The following MACROD1 variants were observed in gnomAD, a reference collection of about 807,000 sequenced individuals.
MACROD1 encodes ADP-ribose glycohydrolase MACROD1.
Under a neutral mutation model 41.4 loss-of-function variants are expected in MACROD1, and 31 were observed. That is an observed-to-expected ratio of 0.75 (90% CI 0.56 to 1.01). The LOEUF (loss-of-function observed/expected upper bound fraction) is 1.01. Among genes scored for constraint, MACROD1 ranks in the 50% least tolerant of loss-of-function variants. MACROD1 has a pLI of 0.00. For missense variants in MACROD1, 473 were observed against 460.0 expected (o/e 1.03, Z -0.26); for synonymous variants, 252 against 203.4 (o/e 1.24, Z -2.03).
At chr11:64,058,832 C>A (rs547057237) in intron 3 of MACROD1, among the ~76,000 whole-genome samples, 1 of 152,272 alleles carries the variant, frequency 6.6e-6, no homozygotes, top group East Asian at 1.9e-4. Context: ...GTGAAGAGGG[C>A]AGCCGGCAAG....
At chr11:64,074,708 C>G (rs566047697) in intron 3 of MACROD1, among the ~76,000 whole-genome samples, 1 of 152,316 alleles carries the variant, frequency 6.6e-6, no homozygotes, top group African/African-American at 2.4e-5. Flanking sequence ...CCAAACTGCC[C>G]TGTGGGTCCC....
At chr11:64,131,836 T>C (rs1036675090) in intron 3 of MACROD1, among the ~76,000 whole-genome samples, 4 of 152,170 alleles carry the variant, frequency 2.6e-5, no homozygotes, top group East Asian at 1.9e-4. Flanking sequence ...GAGTAAATAT[T>C]TGTGGTTGGT....
chr11:64,110,876 G>A (rs1401592896), intron 3 of MACROD1, among the ~76,000 whole-genome samples: 1 of 152,180 alleles, frequency 6.6e-6, no homozygotes, highest in African/African-American at 2.4e-5. Context: ...CCTCTGGTGA[G>A]GCGTGCTATC....
intron 3 of MACROD1, among the ~76,000 whole-genome samples, chr11:64,088,810 G>C (rs999300998): frequency 2.6e-5 from 4 of 152,196 alleles, no homozygotes; most frequent in Admixed American, 6.5e-5. Flanking sequence ...ATGGGCTCTT[G>C]GTGGGTGGGA....
chr11:64,004,527 C>T (rs1358249646), intron 4 of MACROD1, among the ~76,000 whole-genome samples: 6 of 152,160 alleles, frequency 3.9e-5, no homozygotes, highest in African/African-American at 7.2e-5. Flanking sequence ...CTGTGGCCCA[C>T]AGGACCAGGA....
chr11:64,084,369 G>A (rs1380877391), intron 3 of MACROD1, among the ~76,000 whole-genome samples: 4 of 152,092 alleles, frequency 2.6e-5, no homozygotes, highest in Admixed American at 1.3e-4. Flanking sequence ...CTCTGCCCAC[G>A]TGCATTTCCT....
Position 64,165,926 on chromosome 11 carries a change from G to A in MACROD1, c.69C>T (p.Pro23=), listed in dbSNP as rs1186260665. The A allele has an allele frequency of 2.6e-5, 34 of 1,326,384 alleles. No homozygotes were observed. Among genetic ancestry groups the A allele is most frequent in the East Asian group, 3.1e-5 (1 of 32,396 alleles). The allele number at this position is 1,326,384 out of a possible 1,614,324, so 82.2% of individuals were successfully genotyped here. A position where few individuals can be genotyped will look rare whatever the true frequency, so the allele number is the denominator to read the frequency against. ...CCAAGTGTCCGGGCCGGGGGCGCGG[G>A]GGGACGAGCAGCTGCCCCGCCGCGC... is the stretch of plus-strand genomic sequence containing the variant. ...QLRAAGQLLV[P]PRPRPGHLAG... The change falls in exon 1 of 11, where the codon CCC becomes CCT. Residue 23 remains proline, a synonymous_variant. Coordinates refer to ENST00000255681, the MANE Select transcript of MACROD1 (RefSeq NM_014067.4).
At chr11:64,053,566 C>T (rs1316608696) in intron 3 of MACROD1, among the ~76,000 whole-genome samples, 1 of 152,120 alleles carries the variant, frequency 6.6e-6, no homozygotes, top group Admixed American at 6.5e-5. Context: ...TCAGACACCA[C>T]AGCACACAAG....
intron 3 of MACROD1, among the ~76,000 whole-genome samples, chr11:64,038,703 G>C (rs1347981452): frequency 6.6e-6 from 1 of 152,198 alleles, no homozygotes; most frequent in East Asian, 1.9e-4. Context: ...GTATGGGACT[G>C]TGTGGGTCTG....
intron 4 of MACROD1, among the ~76,000 whole-genome samples, chr11:64,009,695 T>G (rs1942970325): frequency 6.6e-6 from 1 of 151,248 alleles, no homozygotes; most frequent in African/African-American, 2.4e-5. Flanking sequence ...GGCACAGGAG[T>G]CCTGTGCCCT....
At chr11:64,139,287 G>A (rs982841571) in intron 3 of MACROD1, among the ~76,000 whole-genome samples, 2 of 152,152 alleles carry the variant, frequency 1.3e-5, no homozygotes, top group Admixed American at 6.5e-5. Context: ...CACCCGGCGC[G>A]GATATAAACA....
intron 3 of MACROD1, among the ~76,000 whole-genome samples, chr11:64,071,072 C>A (rs555008537): frequency 1.3e-5 from 2 of 152,164 alleles, no homozygotes; most frequent in Admixed American, 6.5e-5. Context: ...GGACACCAGG[C>A]CTTTGTCTCT....
chr11:64,046,420 G>A lies in MACROD1; in HGVS notation c.518-31139C>T, dbSNP rs564773227. Among the ~76,000 whole-genome samples, 24 of 152,294 alleles carry A rather than the reference G, an allele frequency of 1.6e-4. 1 individual carries two copies. Among genetic ancestry groups the A allele is most frequent in the East Asian group, 3.9e-4 (2 of 5,166 alleles). On this transcript the variant is annotated intron_variant, in intron 3 of 10. Transcript: ENST00000255681. ...CAAAGTGTCCCCTGTGCTGGGGTGC[G>A]AGGCTGCCCAAGGGGACAGGAGGGA... is the stretch of plus-strand genomic sequence containing the variant.
intron 4 of MACROD1, 136 bp downstream of exon 4, chr11:64,015,116 A>C: frequency 2.2e-6 from 2 of 923,984 alleles, no homozygotes; most frequent in Non-Finnish European, 3.0e-6. Flanking sequence ...GCTCTGGGGA[A>C]GGGAGGCACC....
intron 3 of MACROD1, among the ~76,000 whole-genome samples, chr11:64,099,740 A>G (rs1454755703): frequency 6.6e-6 from 1 of 151,172 alleles, no homozygotes; most frequent in African/African-American, 2.4e-5. Flanking sequence ...GGATGGAGAG[A>G]TGAATGGATG....
At chr11:64,114,645 G>A (rs1253979999) in intron 3 of MACROD1, among the ~76,000 whole-genome samples, 1 of 151,752 alleles carries the variant, frequency 6.6e-6, no homozygotes, top group Non-Finnish European at 1.5e-5. Flanking sequence ...ATGAATGGAT[G>A]GATGGATGAA....
Position 64,084,838 on chromosome 11 carries a change from G to A in MACROD1, c.517+66401C>T, listed in dbSNP as rs76542726. ...CCAAGGTCCAAAGAGGTAATGCCCC[G>A]GCCCGGGAGGGGCGCAAGACCACAG... On this transcript the variant is annotated intron_variant, in intron 3 of 10. Transcript: ENST00000255681. Among the ~76,000 whole-genome samples, 802 of 152,302 alleles carry A rather than the reference G, an allele frequency of 5.3e-3. 8 individuals are homozygous for A. Among genetic ancestry groups the A allele is most frequent in the African/African-American group, 0.018 (768 of 41,576 alleles).
At chr11:64,074,939 G>A (rs947999027) in intron 3 of MACROD1, among the ~76,000 whole-genome samples, 3 of 152,184 alleles carry the variant, frequency 2.0e-5, no homozygotes, top group African/African-American at 7.2e-5. Context: ...GGCAAAAGGG[G>A]TCACTTCCCA....
At chr11:64,117,514 G>C in intron 3 of MACROD1, 2 of 1,607,136 alleles carry the variant, frequency 1.2e-6, no homozygotes, top group South Asian at 2.2e-5. Flanking sequence ...AAGGCCAAAA[G>C]GCCAGGGCTG....
Sources: gnomAD v4.1 joint callset for allele counts (sites outside exome capture counted in the v4.1 genomes callset) on GRCh38, gnomAD v4.1.1 for gene constraint, MANE v1.5 for transcripts, NCBI Gene and HGNC (gene_info 2026-07-23, HGNC 2026-07-21) for gene names.